The following ATP2B4 variants were observed in gnomAD, a reference collection of about 807,000 sequenced individuals.
ATP2B4 encodes the protein plasma membrane calcium-transporting ATPase 4.
ATP2B4 carries 39 observed loss-of-function variants against 110.3 expected under a neutral mutation model. The observed-to-expected ratio is 0.35, with a 90% CI of 0.27 to 0.46. The LOEUF is 0.46. ATP2B4 is among the 20% of genes least tolerant of loss of function. ATP2B4 has a pLI of 1.00. For missense variants in ATP2B4, 1,135 were observed against 1,530.9 expected, an observed-to-expected ratio of 0.74 and a Z score of 4.32; for synonymous variants, 538 against 571.7, an observed-to-expected ratio of 0.94 and a Z score of 0.84.
chr1:203,630,730 T>C (rs907047835), intron 1 of ATP2B4, among the ~76,000 whole-genome samples: 3 of 152,158 alleles, frequency 2.0e-5, no homozygotes, highest in South Asian at 4.1e-4. Flanking sequence ...CAGATAAGCA[T>C]TGATTCCTGT....
intron 15 of ATP2B4, among the ~76,000 whole-genome samples, chr1:203,716,676 C>T (rs1054008916): frequency 2.8e-5 from 4 of 144,886 alleles, no homozygotes; most frequent in African/African-American, 1.0e-4. Context: ...TTTTTCCTAG[C>T]AACTTAGTTT....
At chr1:203,639,732 G>A (rs143688602) in intron 1 of ATP2B4, among the ~76,000 whole-genome samples, 4 of 152,302 alleles carry the variant, frequency 2.6e-5, no homozygotes, top group East Asian at 1.9e-4. Flanking sequence ...TCAGCCGCTC[G>A]GTTGGCCTCC....
chr1:203,697,850 G>A (rs1382635433), intron 2 of ATP2B4, among the ~76,000 whole-genome samples: 1 of 151,998 alleles, frequency 6.6e-6, no homozygotes, highest in African/African-American at 2.4e-5. Context: ...GACTACAGGT[G>A]CACCACATCA....
intron 15 of ATP2B4, 145 bp downstream of exon 15, chr1:203,714,422 G>C: frequency 6.7e-6 from 5 of 741,354 alleles, no homozygotes; most frequent in Non-Finnish European, 1.1e-5. Flanking sequence ...TATCTACCGG[G>C]CCAATCATGA....
chr1:203,739,417 T>G, intron 20 of ATP2B4, 129 bp from the exon 21 acceptor site: 1 of 914,078 alleles, frequency 1.1e-6, no homozygotes, highest in Non-Finnish European at 1.6e-6. Context: ...GTGTGTTTGG[T>G]TTTGATGCTG....
Position 203,629,618 on chromosome 1 carries a change from C to G in ATP2B4, c.-465+2399C>G, listed in dbSNP as rs1206232870. ...AACCCTGCGGCCCCTGTGCTCTCCGCGGCCTCTGCGACCCCGCCCCGCCAG... is the reference window on the plus strand; with the variant it reads ...AACCCTGCGGCCCCTGTGCTCTCCGGGGCCTCTGCGACCCCGCCCCGCCAG... On this transcript the variant is annotated intron_variant, in intron 1 of 20. Coordinates refer to ENST00000357681, the MANE Select transcript of ATP2B4 (RefSeq NM_001684.5). The surrounding 1 kb of genome is among the most constrained non-coding windows in gnomAD (Gnocchi z 4.6). Among the ~76,000 whole-genome samples, 1 of 152,128 alleles carries G rather than the reference C, an allele frequency of 6.6e-6. No individual in the cohort carries two copies. Among genetic ancestry groups the G allele is most frequent in the Non-Finnish European group, 1.5e-5 (1 of 68,002 alleles).
intron 8 of ATP2B4, among the ~76,000 whole-genome samples, chr1:203,705,171 TAG>T (rs1665815700): frequency 6.6e-6 from 1 of 152,246 alleles, no homozygotes; most frequent in Admixed American, 6.5e-5. Flanking sequence ...ACAGCATAAA[TAG>T]AGAACTTCTT....
chr1:203,631,933 T>C (rs1268788859), intron 1 of ATP2B4, among the ~76,000 whole-genome samples: 1 of 152,082 alleles, frequency 6.6e-6, no homozygotes, highest in Non-Finnish European at 1.5e-5. Context: ...TAGCTGGGAT[T>C]ACAAGTGCTA....
Position 203,702,927 on chromosome 1 carries a change from T to G in ATP2B4, c.938-725T>G, listed in dbSNP as rs113309730. 1.9e-3 allele frequency among the ~76,000 whole-genome samples: 289 copies of G among 152,368 alleles called. 1 individual carries two copies. The highest frequency in any genetic ancestry group is 6.2e-3 in the African/African-American group (257 of 41,590). On this transcript the variant is annotated intron_variant, in intron 7 of 20. Coordinates refer to ENST00000357681, the MANE Select transcript of ATP2B4 (RefSeq NM_001684.5). ...TTTAATTTTAGGTCTTTAACTCTTC[T>G]TTTAAAAGCAAAATGGATTTATATG...
rs1278560471 is a variant in ATP2B4 at position 203,715,672 on chromosome 1, A to G, written c.2406+1395A>G. Among the ~76,000 whole-genome samples, 2 of 144,876 alleles carry G rather than the reference A, an allele frequency of 1.4e-5. 1 individual carries two copies. Among genetic ancestry groups the G allele is most frequent in the African/African-American group, 5.0e-5 (2 of 39,628 alleles). ...TCTATATATCTAAAAGAATCTTAAT[A>G]CCATTATCTCAGAACAAAATCGATG... is the stretch of plus-strand genomic sequence containing the variant. On this transcript the variant is annotated intron_variant, in intron 15 of 20. Coordinates refer to ENST00000357681, the MANE Select transcript of ATP2B4 (RefSeq NM_001684.5).
At chr1:203,649,883 T>C (rs1663924427) in intron 1 of ATP2B4, among the ~76,000 whole-genome samples, 1 of 152,182 alleles carries the variant, frequency 6.6e-6, no homozygotes, top group South Asian at 2.1e-4. Flanking sequence ...CGGCCAGGCA[T>C]GTCACACTCG....
chr1:203,687,604 C>CT (rs1188054195), intron 2 of ATP2B4, among the ~76,000 whole-genome samples: 2 of 152,292 alleles, frequency 1.3e-5, no homozygotes, highest in East Asian at 3.9e-4. Context: ...AAATATAACC[C>CT]TTTTCCTTTA....
rs61731222 is a variant in ATP2B4, at chr1:203,683,341, G to A, written c.136G>A (p.Val46Ile). The A allele has an allele frequency of 3.4e-3, 5,424 of 1,614,194 alleles. 20 individuals carry two copies. Among genetic ancestry groups the A allele is most frequent in the South Asian group, 5.0e-3 (451 of 91,082 alleles). ...RSRDALTQINVHYGGVQNLCS... is the reference protein window; with the variant it reads ...RSRDALTQINIHYGGVQNLCS... Reference sequence around the variant, plus strand: ...AAGGGATGCACTGACCCAGATTAATGTCCACTATGGAGGTGTACAGAATCT... The same window carrying A: ...AAGGGATGCACTGACCCAGATTAATATCCACTATGGAGGTGTACAGAATCT... The change falls in exon 2 of 21, where the codon GTC becomes ATC. Residue 46 changes from valine (V) to isoleucine (I), a missense_variant. This residue lies in a region of ATP2B4 where 122 missense variants were observed against 125.2 expected (regional missense o/e 0.97). Coordinates refer to ENST00000357681, the MANE Select transcript of ATP2B4 (RefSeq NM_001684.5).
intron 2 of ATP2B4, among the ~76,000 whole-genome samples, chr1:203,693,818 C>T (rs189874898): frequency 5.9e-5 from 9 of 152,272 alleles, no homozygotes; most frequent in Admixed American, 1.3e-4. Context: ...CCGGTTTGCC[C>T]GGGACTGAGC....
chr1:203,717,806 C>G (rs1269454225), intron 15 of ATP2B4, among the ~76,000 whole-genome samples: 4 of 151,858 alleles, frequency 2.6e-5, no homozygotes, highest in African/African-American at 9.7e-5. Flanking sequence ...CCAAGCCTGG[C>G]TAATTTTTTG....
At chr1:203,736,754 T>C (rs1262629743) in intron 20 of ATP2B4, among the ~76,000 whole-genome samples, 1 of 152,210 alleles carries the variant, frequency 6.6e-6, no homozygotes, top group Non-Finnish European at 1.5e-5. Flanking sequence ...CTTGTCCCCA[T>C]ACACTGCTCA....
At chr1:203,630,602 C>T (rs748856275) in intron 1 of ATP2B4, among the ~76,000 whole-genome samples, 8 of 152,166 alleles carry the variant, frequency 5.3e-5, no homozygotes, top group African/African-American at 7.2e-5. Flanking sequence ...TGAAGGGGAA[C>T]ACCCCACCCA....
chr1:203,712,638 G>A (rs892225344), intron 13 of ATP2B4, among the ~76,000 whole-genome samples: 2 of 150,290 alleles, frequency 1.3e-5, no homozygotes, highest in African/African-American at 2.4e-5. Flanking sequence ...AATGAAGCTT[G>A]CTAGCTTCAT....
In ATP2B4 at chr1:203,700,197, G is replaced by A; in HGVS notation, c.650-9G>A. ...CCTTCACTGTCCCTCCTTCCCCTTT[G>A]TGCTCTAGGTGATCTGCTGCCTGCA... On this transcript the variant is annotated splice_polypyrimidine_tract_variant and intron_variant, in intron 4 of 20. Transcript: ENST00000357681. 1 of 1,611,118 alleles carries A rather than the reference G, an allele frequency of 6.2e-7. No homozygotes were observed. Among genetic ancestry groups the A allele is most frequent in the Non-Finnish European group, 8.5e-7 (1 of 1,178,360 alleles).
Sources: gnomAD v4.1 joint callset for allele counts (sites outside exome capture counted in the v4.1 genomes callset) on GRCh38, gnomAD v4.1.1 for gene constraint, gnomAD v4.1.1 regional missense constraint, Gnocchi (gnomAD v3.1) non-coding constraint, MANE v1.5 for transcripts, NCBI Gene and HGNC (gene_info 2026-07-23, HGNC 2026-07-21) for gene names.